The following IL16 variants were observed in gnomAD, a reference collection of about 807,000 sequenced individuals.
IL16 encodes the protein pro-interleukin-16.
Under a neutral mutation model 110.1 loss-of-function variants are expected in IL16, and 67 were observed. The ratio of observed to expected loss-of-function variants is 0.61; its 90% CI spans 0.50 to 0.75. IL16 has a LOEUF of 0.75. IL16 is among the 30% of genes least tolerant of loss of function. The probability of loss-of-function intolerance (pLI) is 0.00; values close to 1 mark genes in which losing one functional copy is unlikely to be tolerated. For synonymous variants in IL16, 689 were observed against 662.9 expected (o/e 1.04, Z -0.61); for missense variants, 1,545 against 1,655.0 (o/e 0.93, Z 1.15).
intron 3 of IL16, 120 bp from the exon 4 acceptor site, chr15:81,265,537 GGT>G (rs1263738620): frequency 1.9e-6 from 2 of 1,037,242 alleles, no homozygotes; most frequent in African/African-American, 3.2e-5. Context: ...CCTGGCACAG[GGT>G]GTTAAGTGGT....
chr15:81,185,765 G>A (rs1176290544), intron 1 of IL16, among the ~76,000 whole-genome samples: 1 of 152,220 alleles, frequency 6.6e-6, no homozygotes, highest in African/African-American at 2.4e-5. Flanking sequence ...TAGTCTGGCA[G>A]ATCAGCGTGG....
intron 2 of IL16, among the ~76,000 whole-genome samples, chr15:81,241,776 A>G (rs764709214): frequency 1.3e-5 from 2 of 152,080 alleles, no homozygotes; most frequent in Non-Finnish European, 2.9e-5. Flanking sequence ...CAGCCAGTAT[A>G]TAGAATATTT....
intron 6 of IL16, among the ~76,000 whole-genome samples, chr15:81,275,384 G>A (rs1365841167): frequency 9.2e-6 from 1 of 108,196 alleles, no homozygotes; most frequent in Non-Finnish European, 2.0e-5. Flanking sequence ...GGGGAGGGGA[G>A]GGGAGGGGAG....
intron 1 of IL16, among the ~76,000 whole-genome samples, chr15:81,184,427 C>T (rs1160208509): frequency 6.6e-6 from 1 of 152,158 alleles, no homozygotes; most frequent in Non-Finnish European, 1.5e-5. Context: ...CAACACTGGC[C>T]TCAGCGGATC....
At chr15:81,293,507 C>T (rs1467356200) in intron 12 of IL16, among the ~76,000 whole-genome samples, 1 of 152,114 alleles carries the variant, frequency 6.6e-6, no homozygotes, top group Admixed American at 6.5e-5. Context: ...TCAAGACCAG[C>T]CTGGCCAAGA....
chr15:81,214,981 T>G (rs28872882), intron 1 of IL16, among the ~76,000 whole-genome samples: 4 of 152,350 alleles, frequency 2.6e-5, no homozygotes, highest in Non-Finnish European at 5.9e-5. Flanking sequence ...AAGTTCAGTT[T>G]GGTTCTTTCT....
chr15:81,282,572 A>G, intron 8 of IL16, 67 bp from the exon 9 acceptor site: 2 of 1,160,996 alleles, frequency 1.7e-6, no homozygotes, highest in Non-Finnish European at 2.6e-6. Flanking sequence ...GTGGCACCCA[A>G]TCGACGAGTA....
intron 6 of IL16, among the ~76,000 whole-genome samples, chr15:81,278,046 T>G (rs1451006018): frequency 6.6e-6 from 1 of 151,762 alleles, no homozygotes; most frequent in Non-Finnish European, 1.5e-5. Flanking sequence ...ATTTATTTAT[T>G]TATTTATTTA....
chr15:81,292,021 G>A (rs1899742084), intron 11 of IL16: 1 of 455,514 alleles, frequency 2.2e-6, no homozygotes, highest in Non-Finnish European at 4.4e-6. Context: ...GCAGGGAGGG[G>A]AGCAGGCAGG....
rs199873719 is a variant in IL16, at chr15:81,292,496, A to T, written c.1421-60A>T. The T allele has an allele frequency of 1.2e-4, 187 of 1,612,186 alleles. 1 individual carries two copies. Among genetic ancestry groups the T allele is most frequent in the Non-Finnish European group, 2.0e-5 (24 of 1,179,254 alleles). On this transcript the variant is annotated intron_variant, in intron 11 of 18. Coordinates refer to ENST00000683961, the MANE Select transcript of IL16 (RefSeq NM_172217.5). ...GCCCGTGGCAGTCACAGGTGAGGCC[A>T]GGGGGTATTTCTGTTTTCTGAAGCT...
intron 11 of IL16, chr15:81,291,810 A>G (rs962132153): frequency 7.1e-6 from 3 of 425,268 alleles, no homozygotes; most frequent in African/African-American, 4.0e-5. Flanking sequence ...CTGGAAAGAA[A>G]TAGTGACTTC....
rs1596056637 is a variant in IL16, at chr15:81,303,424, T to G, written c.3319-125T>G. 1.5e-6 allele frequency: 1 copy of G among 654,354 alleles called. No homozygotes were observed. The highest frequency in any genetic ancestry group is 2.8e-6 in the Non-Finnish European group (1 of 357,044). 40.5% of individuals were successfully genotyped at this position (654,354 alleles called of 1,614,324 possible). A position where few individuals can be genotyped will look rare whatever the true frequency, so the allele number is the denominator to read the frequency against. On this transcript the variant is annotated intron_variant, in intron 15 of 18. Transcript: ENST00000683961. The surrounding 1 kb of genome is among the most constrained non-coding windows in gnomAD (Gnocchi z 4.1). ...ATGAGGAAACTGAGGTTTGAGGAGG[T>G]GATGTAACTTGGAGGCTGGCCAAGC...
Position 81,210,321 on chromosome 15 carries a change from C to T in IL16, c.-102+13169C>T, listed in dbSNP as rs116573832. On this transcript the variant is annotated intron_variant, in intron 1 of 18. Coordinates refer to ENST00000683961, the MANE Select transcript of IL16 (RefSeq NM_172217.5). ...ATGTGATGTTCTTCTGTTCTTTTTG[C>T]TTAAAATTGCCTTGGCTATGTGGGT... is the stretch of plus-strand genomic sequence containing the variant. 2.6e-3 allele frequency among the ~76,000 whole-genome samples: 391 copies of T among 152,220 alleles called. 2 individuals carry two copies. Among genetic ancestry groups the T allele is most frequent in the African/African-American group, 9.1e-3 (377 of 41,532 alleles).
At chr15:81,260,655 A>G (rs1283745483) in intron 3 of IL16, among the ~76,000 whole-genome samples, 3 of 152,292 alleles carry the variant, frequency 2.0e-5, no homozygotes, top group East Asian at 3.9e-4. Context: ...TGATCTTTCA[A>G]AGAAAATACA....
In IL16 at chr15:81,313,694, A is replaced by G. The variant is rs370338184; in HGVS notation, c.*4896A>G. On this transcript the variant is annotated 3_prime_UTR_variant, in exon 19 of 19. Transcript: ENST00000683961. Reference sequence around the variant, plus strand: ...CCCTGCTGCCCGATTCACTCAGCAAATGCTTTCAGAGAACTCACTTTGTGC... The same window carrying G: ...CCCTGCTGCCCGATTCACTCAGCAAGTGCTTTCAGAGAACTCACTTTGTGC... 2 of 228,768 alleles carry G rather than the reference A, an allele frequency of 8.7e-6. No individual in the cohort carries two copies. Among genetic ancestry groups the G allele is most frequent in the African/African-American group, 2.3e-5 (1 of 44,118 alleles). The allele number at this position is 228,768 out of a possible 1,614,324, so 14.2% of individuals were successfully genotyped here.
intron 2 of IL16, among the ~76,000 whole-genome samples, chr15:81,258,688 C>T (rs1898034190): frequency 6.6e-6 from 1 of 152,070 alleles, no homozygotes; most frequent in Non-Finnish European, 1.5e-5. Flanking sequence ...AACAGAGCAC[C>T]ACCCTGTCCT....
chr15:81,232,066 T>C (rs1897023016), intron 2 of IL16, among the ~76,000 whole-genome samples: 2 of 141,696 alleles, frequency 1.4e-5, no homozygotes, highest in African/African-American at 5.5e-5. Context: ...TTTTTTTTTT[T>C]CTTTTTTTTT....
At chr15:81,284,653 AG>A (rs1899357498) in intron 9 of IL16, among the ~76,000 whole-genome samples, 2 of 152,248 alleles carry the variant, frequency 1.3e-5, no homozygotes, top group African/African-American at 4.8e-5. Flanking sequence ...AGAACACAGC[AG>A]GGGACACAGG....
chr15:81,253,933 A>G (rs767896521), intron 2 of IL16, among the ~76,000 whole-genome samples: 83 of 152,084 alleles, frequency 5.5e-4, no homozygotes, highest in Non-Finnish European at 1.0e-3. Context: ...TCCCCTCCAT[A>G]TCAGGAGATC....
Sources: gnomAD v4.1 joint callset for allele counts (sites outside exome capture counted in the v4.1 genomes callset) on GRCh38, gnomAD v4.1.1 for gene constraint, Gnocchi (gnomAD v3.1) non-coding constraint, MANE v1.5 for transcripts, NCBI Gene and HGNC (gene_info 2026-07-23, HGNC 2026-07-21) for gene names.